Variants in NKAIN3 observed in about 807,000 individuals in gnomAD.
NKAIN3 encodes the protein sodium/potassium-transporting ATPase subunit beta-1-interacting protein 3.
NKAIN3 carries 25 observed loss-of-function variants against 30.2 expected under a neutral mutation model. That is an observed-to-expected ratio of 0.83 (90% CI 0.60 to 1.16). NKAIN3 has a LOEUF of 1.16. Ranked by LOEUF, NKAIN3 falls within the 50% of genes most tolerant of loss-of-function variation. The pLI is 0.00. For synonymous variants in NKAIN3, 91 were observed against 89.6 expected (o/e 1.02, Z -0.09); for missense variants, 225 against 254.1 (o/e 0.89, Z 0.78).
intron 4 of NKAIN3, among the ~76,000 whole-genome samples, chr8:62,768,016 T>C (rs975261541): frequency 1.3e-5 from 2 of 152,170 alleles, no homozygotes; most frequent in African/African-American, 4.8e-5. Context: ...AAATCATATA[T>C]GCAACTCACA....
chr8:62,344,302 G>A (rs1021930221), intron 1 of NKAIN3, among the ~76,000 whole-genome samples: 1 of 152,004 alleles, frequency 6.6e-6, no homozygotes, highest in Non-Finnish European at 1.5e-5. Flanking sequence ...GTACATAAGT[G>A]CATTATGTAA....
At position 62,912,505 on chromosome 8, in the gene NKAIN3, A is replaced by T. The variant is rs143838883; in HGVS notation, c.472-5948A>T. On this transcript the variant is annotated intron_variant, in intron 4 of 6. Coordinates refer to ENST00000623646, the MANE Select transcript of NKAIN3 (RefSeq NM_001304533.3). ...ACTCTTAAAATATCACTTAGCTTGT[A>T]ACACAAACACATCGACCTTCTGCAG... Among the ~76,000 whole-genome samples, 57 of 152,330 alleles carry T rather than the reference A, an allele frequency of 3.7e-4. No homozygotes were observed. The East Asian group carries it at 9.4e-3, about 25-fold the overall frequency.
chr8:62,993,507 T>A (rs1458460551), intron 5 of NKAIN3, among the ~76,000 whole-genome samples: 1 of 152,208 alleles, frequency 6.6e-6, no homozygotes, highest in African/African-American at 2.4e-5. Context: ...GAGTAAATAA[T>A]GCCACCACAA....
chr8:62,877,870 G>A (rs956502318), intron 4 of NKAIN3, among the ~76,000 whole-genome samples: 1 of 151,920 alleles, frequency 6.6e-6, no homozygotes, highest in Non-Finnish European at 1.5e-5. Flanking sequence ...AAGAAACCCT[G>A]TCTCTACTAA....
rs1197162507 is a variant in NKAIN3 at position 62,981,393 on chromosome 8, A to G, written c.*15986A>G. On this transcript the variant is annotated 3_prime_UTR_variant, in exon 7 of 7. Coordinates refer to ENST00000623646, the MANE Select transcript of NKAIN3 (RefSeq NM_001304533.3). Reference sequence around the variant, plus strand: ...TTTAAAGACATAGATATTCCATTTTAATCCTGTATAACTCAAAGAAAATTT... The same window carrying G: ...TTTAAAGACATAGATATTCCATTTTGATCCTGTATAACTCAAAGAAAATTT... The G allele has an allele frequency of 6.6e-6, 1 of 152,204 alleles. No individual in the cohort carries two copies. Among genetic ancestry groups the G allele is most frequent in the East Asian group, 1.9e-4 (1 of 5,196 alleles). The allele number at this position is 152,204 out of a possible 1,614,324, so 9.4% of individuals were successfully genotyped here. A position where few individuals can be genotyped will look rare whatever the true frequency, so the allele number is the denominator to read the frequency against.
chr8:62,725,637 C>A (rs1258591755), intron 3 of NKAIN3, among the ~76,000 whole-genome samples: 2 of 152,020 alleles, frequency 1.3e-5, no homozygotes, highest in African/African-American at 4.8e-5. Flanking sequence ...GTTCTTTGCA[C>A]CTTTGTCAAA....
At chr8:62,790,854 C>A (rs1817684565) in intron 4 of NKAIN3, among the ~76,000 whole-genome samples, 1 of 151,962 alleles carries the variant, frequency 6.6e-6, no homozygotes, top group Non-Finnish European at 1.5e-5. Flanking sequence ...TTCGGCTTAG[C>A]CCTGGTCAGT....
chr8:62,991,110 G>A (rs1486746712), intron 5 of NKAIN3: 2 of 152,298 alleles, frequency 1.3e-5, no homozygotes, highest in Admixed American at 6.5e-5. Flanking sequence ...GGTGAACAAT[G>A]TTCAGGGAAC....
At chr8:62,789,798 T>C (rs1019600043) in intron 4 of NKAIN3, among the ~76,000 whole-genome samples, 8 of 151,914 alleles carry the variant, frequency 5.3e-5, no homozygotes, top group African/African-American at 1.9e-4. Context: ...AATAACAGGC[T>C]CTGAAATTGA....
chr8:62,855,904 G>A (rs532128566), intron 4 of NKAIN3: 13 of 763,378 alleles, frequency 1.7e-5, no homozygotes, highest in African/African-American at 8.5e-5. Flanking sequence ...ATGTTCCTGC[G>A]GGGTGTGTAT....
intron 4 of NKAIN3, among the ~76,000 whole-genome samples, chr8:62,860,719 T>C (rs1820214525): frequency 6.6e-6 from 1 of 152,260 alleles, no homozygotes; most frequent in Non-Finnish European, 1.5e-5. Context: ...CTGATGCAGA[T>C]TGGTCCGAGG....
At chr8:62,772,902 A>T (rs1428716481) in intron 4 of NKAIN3, among the ~76,000 whole-genome samples, 1 of 151,880 alleles carries the variant, frequency 6.6e-6, no homozygotes, top group African/African-American at 2.4e-5. Context: ...CTCATGATCT[A>T]CCCACCTCAC....
chr8:62,801,494 T>C (rs1182910411), intron 4 of NKAIN3, among the ~76,000 whole-genome samples: 1 of 152,204 alleles, frequency 6.6e-6, no homozygotes, highest in Admixed American at 6.5e-5. Context: ...CCGCTGCTGA[T>C]ACCCAGGCAA....
intron 1 of NKAIN3, among the ~76,000 whole-genome samples, chr8:62,320,714 A>G (rs541543655): frequency 1.3e-5 from 2 of 152,314 alleles, no homozygotes; most frequent in African/African-American, 2.4e-5. Context: ...TGTTAGTCTG[A>G]TGGGCTTCCC....
chr8:62,315,554 A>G (rs1814591285), intron 1 of NKAIN3, among the ~76,000 whole-genome samples: 2 of 152,132 alleles, frequency 1.3e-5, no homozygotes, highest in South Asian at 2.1e-4. Context: ...CCTAAAATGT[A>G]AATGAGAGAA....
rs114616713 is a variant in NKAIN3 at position 62,648,453 on chromosome 8, G to A, written c.273+58659G>A. ...CCCTAAGAAGCAAGCTGGAAGCAAA[G>A]CTACACGCTAACCCCTTATGGGGGT... On this transcript the variant is annotated intron_variant, in intron 3 of 6. Coordinates refer to ENST00000623646, the MANE Select transcript of NKAIN3 (RefSeq NM_001304533.3). Among the ~76,000 whole-genome samples the A allele has an allele frequency of 4.8e-3, 736 of 152,276 alleles. 7 individuals carry two copies. Among genetic ancestry groups the A allele is most frequent in the African/African-American group, 0.017 (704 of 41,566 alleles).
chr8:62,850,646 A>T lies in NKAIN3; in HGVS notation c.472-67807A>T, dbSNP rs560307164. ...TTAATTTTTGTATAAGGTGTAAGGA[A>T]GGGATCCAGTTTCAGCTTTCCACAT... On this transcript the variant is annotated intron_variant, in intron 4 of 6. Coordinates refer to ENST00000623646, the MANE Select transcript of NKAIN3 (RefSeq NM_001304533.3). 2.8e-4 allele frequency among the ~76,000 whole-genome samples: 43 copies of T among 151,928 alleles called. 1 individual carries two copies. In the South Asian group the frequency reaches 9.0e-3, roughly 32 times the overall value.
chr8:62,927,238 G>T (rs1185417289), intron 5 of NKAIN3, among the ~76,000 whole-genome samples: 1 of 152,116 alleles, frequency 6.6e-6, no homozygotes, highest in Non-Finnish European at 1.5e-5. Context: ...TGTCTCAGAG[G>T]CCAGCAGGGA....
At chr8:62,368,059 A>T (rs1349714652) in intron 1 of NKAIN3, among the ~76,000 whole-genome samples, 1 of 152,158 alleles carries the variant, frequency 6.6e-6, no homozygotes, top group Non-Finnish European at 1.5e-5. Flanking sequence ...CAACACTATG[A>T]AAGAACTTGA....
Sources: allele counts gnomAD v4.1 joint callset (sites outside exome capture counted in the v4.1 genomes callset), GRCh38; gene constraint gnomAD v4.1.1; transcripts MANE v1.5; gene names NCBI Gene and HGNC (gene_info 2026-07-23, HGNC 2026-07-21).